Variants in PCSK6 observed in about 807,000 individuals in gnomAD.
The protein encoded by PCSK6 is paired basic amino acid cleaving enzyme 4.
In PCSK6, 85 loss-of-function variants were observed where a neutral mutation model predicts 123.3. The ratio of observed to expected loss-of-function variants is 0.69; its 90% confidence interval spans 0.58 to 0.83. The LOEUF (loss-of-function observed/expected upper bound fraction) is 0.83. Ranked by LOEUF, PCSK6 falls within the 40% of genes least tolerant of loss-of-function variation. The pLI, the probability that PCSK6 is intolerant of heterozygous loss-of-function variation, is 0.00. For missense variants in PCSK6, 1,191 were observed against 1,282.3 expected, an observed-to-expected ratio of 0.93 and a Z score of 1.09; for synonymous variants, 508 against 516.0, an observed-to-expected ratio of 0.98 and a Z score of 0.21.
intron 1 of PCSK6, among the ~76,000 whole-genome samples, chr15:101,469,234 C>T (rs1371272094): frequency 6.6e-6 from 1 of 152,186 alleles, no homozygotes; most frequent in Non-Finnish European, 1.5e-5. Context: ...TCTGTACAAT[C>T]CATCCCAAGT....
chr15:101,429,220 G>A (rs1477469441), intron 5 of PCSK6, among the ~76,000 whole-genome samples: 3 of 149,434 alleles, frequency 2.0e-5, no homozygotes, highest in Admixed American at 1.3e-4. Context: ...CAGGGTATGG[G>A]GCATGCTGAT....
At chr15:101,483,414 G>A (rs2057940361) in intron 1 of PCSK6, among the ~76,000 whole-genome samples, 1 of 152,172 alleles carries the variant, frequency 6.6e-6, no homozygotes, top group Non-Finnish European at 1.5e-5. Context: ...ACTATTTAAG[G>A]CAAGTTCAAG....
In PCSK6 at chr15:101,430,051, T is replaced by C; in HGVS notation, c.670A>G (p.Ser224Gly). Reference protein sequence around the residue: ...DLAPNYDSYASYDVNGNDYDP... With the variant: ...DLAPNYDSYAGYDVNGNDYDP... ...TAATCATTGCCGTTCACGTCGTAGC[T>C]GGCGTAGGAATCCTAAGAAATGGAA... is the stretch of plus-strand genomic sequence containing the variant. Residue 224 changes from serine (S) to glycine (G), a missense_variant, in exon 5 of 22, where the codon AGC becomes GGC. By Grantham distance (56) the Ser-to-Gly change is moderately conservative (BLOSUM62 0). Around this residue, in one of 3 missense-constraint regions of PCSK6, gnomAD observed 357 missense variants for 484.5 expected, o/e 0.74. Transcript: ENST00000611716. The C allele has an allele frequency of 6.2e-7, 1 of 1,613,840 alleles. No individual in the cohort carries two copies.
chr15:101,370,358 G>C lies in PCSK6; in HGVS notation c.1698C>G (p.Thr566=). The C allele has an allele frequency of 6.5e-7, 1 of 1,549,528 alleles. No individual in the cohort carries two copies. Among genetic ancestry groups the C allele is most frequent in the Non-Finnish European group, 8.7e-7 (1 of 1,145,984 alleles). The change falls in exon 12 of 22, where the codon ACC becomes ACG. Residue 566 remains threonine (T), a synonymous_variant. Transcript: ENST00000611716. The part of the protein sequence containing the change: ...LQIYLVSPSG[T]KSQLLAKRLL... ...ACCTCTTTGCCAGAAGTTGAGACTT[G>C]GTTCCCGAGGGAGAAACCAGGTAGA...
intron 2 of PCSK6, among the ~76,000 whole-genome samples, chr15:101,433,806 C>T (rs1463897568): frequency 1.3e-5 from 2 of 152,250 alleles, no homozygotes; most frequent in East Asian, 1.9e-4. Flanking sequence ...GAGCGGAGCA[C>T]CTGCATACAC....
chr15:101,326,340 TG>T lies in PCSK6; in HGVS notation c.2180+36del, dbSNP rs2040251366. ...GCTAAGGATACAACTGGAAAGTCAC[TG>T]AGTGGTGAGCCACAGGGCTGCGGGA... On this transcript the variant is annotated intron_variant, in intron 16 of 21. Transcript: ENST00000611716. 2.7e-6 allele frequency: 4 copies of T among 1,508,986 alleles called. No individual in the cohort carries two copies. In the East Asian group the frequency reaches 9.8e-5, roughly 37 times the overall value. The allele number at this position is 1,508,986 out of a possible 1,614,324, so 93.5% of individuals were successfully genotyped here.
chr15:101,390,737 G>A (rs556557615), intron 8 of PCSK6, among the ~76,000 whole-genome samples: 21 of 152,334 alleles, frequency 1.4e-4, no homozygotes, highest in East Asian at 7.7e-4. Flanking sequence ...GGGAGCCTCC[G>A]GAAGGAACCA....
chr15:101,309,649 C>T (rs1174176833), intron 20 of PCSK6, among the ~76,000 whole-genome samples: 6 of 152,226 alleles, frequency 3.9e-5, no homozygotes, highest in Admixed American at 1.3e-4. Context: ...TGGCAGAAGG[C>T]GTGCCCCTTC....
intron 1 of PCSK6, among the ~76,000 whole-genome samples, chr15:101,472,088 C>T (rs141025715): frequency 1.3e-5 from 2 of 152,082 alleles, no homozygotes; most frequent in Non-Finnish European, 2.9e-5. Context: ...AAAAAAAAAT[C>T]GAACGGAGGC....
chr15:101,463,240 G>C (rs998679593), intron 1 of PCSK6, among the ~76,000 whole-genome samples: 1 of 152,156 alleles, frequency 6.6e-6, no homozygotes, highest in African/African-American at 2.4e-5. Context: ...GGAGAGACGA[G>C]AGAGGCAGGT....
rs183252743 is a variant in PCSK6, at chr15:101,415,120, C to T, written c.823+12772G>A. On this transcript the variant is annotated intron_variant, in intron 6 of 21. Coordinates refer to ENST00000611716, the MANE Select transcript of PCSK6 (RefSeq NM_002570.5). The stretch of plus-strand genomic sequence containing the variant: ...GTAAATAGCTATAAAATGTGTACAG[C>T]GAAAACGGAAAGAAACTGACACATC... Among the ~76,000 whole-genome samples, 788 of 152,220 alleles carry T rather than the reference C, an allele frequency of 5.2e-3. 17 individuals are homozygous for T. Among genetic ancestry groups the T allele is most frequent in the Admixed American group, 0.042 (639 of 15,298 alleles).
chr15:101,412,014 C>G (rs1288143905), intron 6 of PCSK6, among the ~76,000 whole-genome samples: 2 of 152,170 alleles, frequency 1.3e-5, no homozygotes, highest in Admixed American at 1.3e-4. Context: ...AATGAGGGGA[C>G]CTGCACTGTG....
intron 7 of PCSK6, among the ~76,000 whole-genome samples, chr15:101,395,686 A>T (rs1415244752): frequency 6.6e-6 from 1 of 152,174 alleles, no homozygotes; most frequent in Non-Finnish European, 1.5e-5. Flanking sequence ...ATGAACTTGC[A>T]CTTCTTTTCA....
At chr15:101,435,748 G>T (rs938527951) in intron 2 of PCSK6, among the ~76,000 whole-genome samples, 1 of 152,204 alleles carries the variant, frequency 6.6e-6, no homozygotes, top group Non-Finnish European at 1.5e-5. Flanking sequence ...TTAAAATGAG[G>T]CATCCGTTGA....
intron 13 of PCSK6, among the ~76,000 whole-genome samples, chr15:101,363,270 C>T (rs1165889634): frequency 2.6e-5 from 4 of 152,216 alleles, no homozygotes; most frequent in South Asian, 2.1e-4. Flanking sequence ...TCGTTGTATT[C>T]GGCTCATGAT....
chr15:101,427,723 G>C (rs948757759), intron 6 of PCSK6, among the ~76,000 whole-genome samples, 169 bp downstream of exon 6: 1 of 152,244 alleles, frequency 6.6e-6, no homozygotes, highest in African/African-American at 2.4e-5. Flanking sequence ...AATCCCTGTG[G>C]GTCAGCTGCC....
chr15:101,342,320 A>G (rs2040633645), intron 13 of PCSK6, among the ~76,000 whole-genome samples: 1 of 152,150 alleles, frequency 6.6e-6, no homozygotes, highest in Non-Finnish European at 1.5e-5. Flanking sequence ...GCTGTTCAAT[A>G]TTAATTCTAA....
chr15:101,402,671 T>C (rs1318185421), intron 6 of PCSK6, among the ~76,000 whole-genome samples: 3 of 152,126 alleles, frequency 2.0e-5, no homozygotes, highest in South Asian at 2.1e-4. Flanking sequence ...CATGAAAAAA[T>C]GCTCATCATC....
rs1567132439 is a variant in PCSK6, at chr15:101,305,799, G to C, written c.2813-444C>G. On this transcript the variant is annotated intron_variant, in intron 21 of 21. Coordinates refer to ENST00000611716, the MANE Select transcript of PCSK6 (RefSeq NM_002570.5). This position sits in a 1 kb window ranked among gnomAD's most constrained non-coding sequence, Gnocchi z 4.8. Reference sequence around the variant, plus strand: ...TGGTGCCCTGGGCAAGAGGGACACAGACAGAGGTGGGCAGCAGGATGGCAG... The same window carrying C: ...TGGTGCCCTGGGCAAGAGGGACACACACAGAGGTGGGCAGCAGGATGGCAG... 1 of 158,092 alleles carries C rather than the reference G, an allele frequency of 6.3e-6. No individual in the cohort carries two copies. 9.8% of individuals were successfully genotyped at this position (158,092 alleles called of 1,614,324 possible). A position where few individuals can be genotyped will look rare whatever the true frequency, so the allele number is the denominator to read the frequency against.
Sources: allele counts gnomAD v4.1 joint callset (sites outside exome capture counted in the v4.1 genomes callset), GRCh38; gene constraint gnomAD v4.1.1; regional missense constraint gnomAD v4.1.1; non-coding constraint Gnocchi (gnomAD v3.1); transcripts MANE v1.5; gene names NCBI Gene and HGNC (gene_info 2026-07-23, HGNC 2026-07-21).